CR1: variants seen among roughly 807,000 people sequenced by gnomAD.
CR1 encodes the protein complement receptor type 1.
A neutral mutation model predicts 187.3 loss-of-function variants in CR1; 116 were observed. The observed-to-expected ratio is 0.62, with a 90% CI of 0.53 to 0.72. The LOEUF is 0.72. Among genes scored for constraint, CR1 ranks in the 30% least tolerant of loss-of-function variants. The pLI is 0.00. For synonymous variants in CR1, 576 were observed against 747.1 expected, an observed-to-expected ratio of 0.77 and a Z score of 3.73; for missense variants, 1,731 against 2,110.7, an observed-to-expected ratio of 0.82 and a Z score of 3.52.
intron 41 of CR1, 121 bp from the exon 42 acceptor site, chr1:207,617,950 C>T: frequency 9.4e-7 from 1 of 1,062,722 alleles, no homozygotes; most frequent in Non-Finnish European, 1.3e-6. Flanking sequence ...GGCTTATGAC[C>T]TGGCTGGTTG....
intron 34 of CR1, among the ~76,000 whole-genome samples, chr1:207,588,110 A>G (rs1661165791): frequency 6.6e-6 from 1 of 152,286 alleles, no homozygotes; most frequent in African/African-American, 2.4e-5. Flanking sequence ...TGAGAGTACA[A>G]CACTTTAGCC....
chr1:207,508,854 A>T (rs1216494107), intron 3 of CR1, among the ~76,000 whole-genome samples: 5 of 152,164 alleles, frequency 3.3e-5, no homozygotes, highest in Non-Finnish European at 7.3e-5. Flanking sequence ...AAATGCTGTA[A>T]CTATGCATGG....
intron 46 of CR1, among the ~76,000 whole-genome samples, chr1:207,637,823 G>C (rs1662863061): frequency 1.3e-5 from 2 of 152,148 alleles, no homozygotes; most frequent in South Asian, 4.1e-4. Context: ...TCTCCGATGG[G>C]TTCATCGTAG....
chr1:207,594,968 G>A (rs1378552751), intron 35 of CR1, among the ~76,000 whole-genome samples: 1 of 151,892 alleles, frequency 6.6e-6, no homozygotes, highest in African/African-American at 2.4e-5. Context: ...AATAAACAGG[G>A]GACAATCTTT....
intron 46 of CR1, 48 bp downstream of exon 46, chr1:207,630,669 T>A (rs1241702020): frequency 7.6e-7 from 1 of 1,323,382 alleles, no homozygotes. Flanking sequence ...AACTCAAATA[T>A]CAAAAATGGA....
At chr1:207,638,639 A>C (rs1213913331) in intron 46 of CR1, among the ~76,000 whole-genome samples, 1 of 152,184 alleles carries the variant, frequency 6.6e-6, no homozygotes, top group Admixed American at 6.5e-5. Context: ...CACTATTTCC[A>C]ACCTTAATAT....
chr1:207,587,671 G>T, intron 34 of CR1, 106 bp downstream of exon 34: 1 of 1,131,214 alleles, frequency 8.8e-7, no homozygotes, highest in Non-Finnish European at 1.2e-6. Flanking sequence ...GGCCAAGGCT[G>T]GCAGATAGCT....
At chr1:207,581,297 CAT>C (rs1183432500) in intron 31 of CR1, among the ~76,000 whole-genome samples, 9 of 149,802 alleles carry the variant, frequency 6.0e-5, no homozygotes, top group African/African-American at 1.5e-4. Flanking sequence ...TATACGTATA[CAT>C]ATGGACACGT....
chr1:207,566,701 T>G lies in CR1; in HGVS notation c.3952+778T>G, dbSNP rs966974537. 1.2e-4 allele frequency among the ~76,000 whole-genome samples: 18 copies of G among 150,158 alleles called. 2 individuals are homozygous for G. The highest frequency in any genetic ancestry group is 4.3e-4 in the African/African-American group (17 of 39,616). On this transcript the variant is annotated intron_variant, in intron 24 of 46. Transcript: ENST00000367049. ...AGATTCATAAATAATAAGTCATTTT[T>G]TTAAAATGAGCCTCATATGTTCAAT...
chr1:207,581,491 A>G (rs1660954735), intron 31 of CR1, among the ~76,000 whole-genome samples: 1 of 101,370 alleles, frequency 9.9e-6, no homozygotes. Context: ...AATAATTTGC[A>G]GACATGAAGA....
chr1:207,498,687 T>G (rs1170820792), intron 1 of CR1, among the ~76,000 whole-genome samples: 1 of 151,426 alleles, frequency 6.6e-6, no homozygotes, highest in African/African-American at 2.4e-5. Flanking sequence ...AAGACCAGCC[T>G]GGCCAACATA....
rs992570736 is a variant in CR1 at position 207,584,746 on chromosome 1, T to C, written c.5400T>C (p.Cys1800=). Residue 1800 remains cysteine (C), a synonymous_variant, in exon 33 of 47, where the codon TGT becomes TGC. Coordinates refer to ENST00000367049, the MANE Select transcript of CR1 (RefSeq NM_000651.6). ...IPYGKEISYT[C]DPHPDRGMTF... Reference sequence around the variant, plus strand: ...ATGGAAAAGAAATATCTTACACATGTGACCCCCACCCAGACAGAGGGATGA... The same window carrying C: ...ATGGAAAAGAAATATCTTACACATGCGACCCCCACCCAGACAGAGGGATGA... 3.1e-6 allele frequency: 5 copies of C among 1,613,946 alleles called. No individual in the cohort carries two copies. The highest frequency in any genetic ancestry group is 4.2e-6 in the Non-Finnish European group (5 of 1,179,844).
chr1:207,512,778 T>C (rs1389125536), intron 4 of CR1, among the ~76,000 whole-genome samples: 1 of 152,232 alleles, frequency 6.6e-6, no homozygotes, highest in Non-Finnish European at 1.5e-5. Flanking sequence ...GGAATTTTCC[T>C]GGAAATATGA....
At chr1:207,587,599 CT>C in intron 34 of CR1, 34 bp downstream of exon 34, 2 of 1,596,142 alleles carry the variant, frequency 1.3e-6, no homozygotes, top group Non-Finnish European at 8.6e-7. Context: ...TACTTCATGT[CT>C]GTTAAAGCAT....
At chr1:207,617,545 GTATATATA>G (rs1329544955) in intron 41 of CR1, among the ~76,000 whole-genome samples, 1 of 104,850 alleles carries the variant, frequency 9.5e-6, no homozygotes. Flanking sequence ...GTGTATGTGT[GTATATATA>G]TATGTGTATA....
In CR1 at chr1:207,588,733, TAC is replaced by T; in HGVS notation, c.5773_5774del (p.Gln1925ValfsTer6). 1 of 1,612,656 alleles carries T rather than the reference TAC, an allele frequency of 6.2e-7. No individual in the cohort carries two copies. The highest frequency in any genetic ancestry group is 1.1e-5 in the South Asian group (1 of 90,808). ...ATGGAATGGTGCATATAAACACAGA[TAC>T]ACAGTTTGGATCAACAGTTAATTAT... ...FNGMVHINTD[T>X]QFGSTVNYSC... On this transcript the variant is annotated frameshift_variant, in exon 35 of 47. Transcript: ENST00000367049. LOFTEE classifies it high-confidence loss of function.
chr1:207,618,281 G>A, intron 42 of CR1, 34 bp downstream of exon 42: 1 of 1,593,418 alleles, frequency 6.3e-7, no homozygotes, highest in Non-Finnish European at 8.6e-7. Context: ...TATTCTTGCT[G>A]GGTTGTATGG....
At chr1:207,565,692 T>C (rs1479393306) in intron 23 of CR1, 146 bp from the exon 24 acceptor site, 2 of 1,051,024 alleles carry the variant, frequency 1.9e-6, no homozygotes, top group Admixed American at 2.2e-5. Context: ...GGCTGTGATT[T>C]TTCCAGAATA....
chr1:207,580,449 CT>C (rs781111717), intron 30 of CR1, 33 bp downstream of exon 30: 15 of 1,609,122 alleles, frequency 9.3e-6, no homozygotes, highest in African/African-American at 1.3e-5. Context: ...AGATTTCTCT[CT>C]TTACCCCACA....
Sources: allele counts gnomAD v4.1 joint callset (sites outside exome capture counted in the v4.1 genomes callset), GRCh38; gene constraint gnomAD v4.1.1; transcripts MANE v1.5; gene names NCBI Gene and HGNC (gene_info 2026-07-23, HGNC 2026-07-21).